Variants in GRIK2 observed in about 807,000 individuals in gnomAD.
GRIK2 encodes the protein glutamate ionotropic receptor kainate type subunit 2.
A neutral mutation model predicts 100.3 loss-of-function variants in GRIK2; 32 were observed. That is an observed-to-expected ratio of 0.32 (90% CI 0.24 to 0.43). GRIK2 has a LOEUF of 0.43. Ranked by LOEUF, GRIK2 falls within the 20% of genes least tolerant of loss-of-function variation. GRIK2 has a pLI of 1.00. For missense variants in GRIK2, 843 were observed against 1,114.9 expected, an observed-to-expected ratio of 0.76 and a Z score of 3.47; for synonymous variants, 417 against 389.4, an observed-to-expected ratio of 1.07 and a Z score of -0.83.
intron 15 of GRIK2, among the ~76,000 whole-genome samples, chr6:102,036,270 T>TAA (rs1316318911): frequency 1.3e-5 from 2 of 150,228 alleles, no homozygotes; most frequent in African/African-American, 4.9e-5. Flanking sequence ...CATATATATA[T>TAA]AAAACATTAC....
chr6:101,537,662 G>A (rs1775781323), intron 2 of GRIK2, among the ~76,000 whole-genome samples: 1 of 151,730 alleles, frequency 6.6e-6, no homozygotes, highest in African/African-American at 2.4e-5. Flanking sequence ...GAACTTATGA[G>A]AACTATCAAT....
chr6:101,875,026 A>T (rs1785723356), intron 11 of GRIK2, among the ~76,000 whole-genome samples: 1 of 152,146 alleles, frequency 6.6e-6, no homozygotes, highest in Non-Finnish European at 1.5e-5. Context: ...CTAGATATAC[A>T]ATCATGTCAC....
At chr6:101,473,110 TTCCTTCCTTCCTTCCTTC>T (rs1772036932) in intron 2 of GRIK2, among the ~76,000 whole-genome samples, 1 of 18,962 alleles carries the variant, frequency 5.3e-5, no homozygotes, top group Admixed American at 5.2e-4. Context: ...CCTTCCTTCC[TTCCTTCCTTCCTTCCTTC>T]CTTCCTTCCT....
chr6:101,482,725 T>A (rs1772598125), intron 2 of GRIK2, among the ~76,000 whole-genome samples: 1 of 151,896 alleles, frequency 6.6e-6, no homozygotes, highest in Non-Finnish European at 1.5e-5. Flanking sequence ...AGGCCTGAAT[T>A]GAGGTAGTGG....
intron 2 of GRIK2, among the ~76,000 whole-genome samples, chr6:101,594,098 A>G (rs1187381632): frequency 6.6e-6 from 1 of 151,888 alleles, no homozygotes; most frequent in Non-Finnish European, 1.5e-5. Flanking sequence ...TATTAATTAA[A>G]TGAGTTATTA....
In GRIK2 at chr6:101,566,362, G is replaced by A. The variant is rs1307887050; in HGVS notation, c.116-55587G>A. 4.6e-5 allele frequency among the ~76,000 whole-genome samples: 7 copies of A among 152,064 alleles called. No individual in the cohort carries two copies. In the East Asian group the frequency reaches 1.4e-3, roughly 29 times the overall value. On this transcript the variant is annotated intron_variant, in intron 2 of 16. Coordinates refer to ENST00000369134, the MANE Select transcript of GRIK2 (RefSeq NM_021956.5). Reference sequence around the variant, plus strand: ...GTATTGAAGAAAATACTTTCTGAGGGAATACTATGTGGAAAGATATCACTA... The same window carrying A: ...GTATTGAAGAAAATACTTTCTGAGGAAATACTATGTGGAAAGATATCACTA...
intron 2 of GRIK2, among the ~76,000 whole-genome samples, chr6:101,473,099 TCC>T: frequency 1.2e-4 from 1 of 8,144 alleles, no homozygotes; most frequent in South Asian, 3.1e-3. Context: ...TCCTAGGTTT[TCC>T]TTCCTTCCTT....
At chr6:101,419,488 T>G (rs181213786) in intron 2 of GRIK2, among the ~76,000 whole-genome samples, 9 of 152,302 alleles carry the variant, frequency 5.9e-5, no homozygotes, top group Admixed American at 5.2e-4. Context: ...AACACACAGT[T>G]CTGACATGTG....
intron 7 of GRIK2, among the ~76,000 whole-genome samples, chr6:101,779,292 CTGTT>C (rs1778934220): frequency 1.3e-5 from 2 of 151,980 alleles, no homozygotes. Flanking sequence ...ACTCTTCTGC[CTGTT>C]TGTCTGTTAC....
chr6:101,831,387 C>T (rs1376811696), intron 10 of GRIK2, among the ~76,000 whole-genome samples: 1 of 151,948 alleles, frequency 6.6e-6, no homozygotes, highest in Non-Finnish European at 1.5e-5. Flanking sequence ...TCTTGTTCTT[C>T]CTGGTATTCT....
chr6:101,852,290 C>T (rs1444121369), intron 10 of GRIK2, among the ~76,000 whole-genome samples: 5 of 151,936 alleles, frequency 3.3e-5, no homozygotes, highest in East Asian at 3.9e-4. Context: ...TTATTTTTTT[C>T]CCATTCCACC....
chr6:101,498,854 C>T (rs1328482139), intron 2 of GRIK2, among the ~76,000 whole-genome samples: 1 of 152,158 alleles, frequency 6.6e-6, no homozygotes, highest in Non-Finnish European at 1.5e-5. Flanking sequence ...TTTTGCTGTG[C>T]AGAAGCTCTT....
intron 11 of GRIK2, among the ~76,000 whole-genome samples, chr6:101,869,404 A>G (rs1337152246): frequency 6.6e-6 from 1 of 151,908 alleles, no homozygotes; most frequent in Non-Finnish European, 1.5e-5. Flanking sequence ...TTTTGTGCCA[A>G]AATCATGTGC....
intron 2 of GRIK2, among the ~76,000 whole-genome samples, chr6:101,450,224 G>A (rs1770598910): frequency 6.6e-6 from 1 of 151,526 alleles, no homozygotes; most frequent in African/African-American, 2.4e-5. Flanking sequence ...AAATTTTGTA[G>A]CTCTAGTAAT....
At chr6:101,893,917 C>G (rs556087759) in intron 12 of GRIK2, among the ~76,000 whole-genome samples, 1 of 151,418 alleles carries the variant, frequency 6.6e-6, no homozygotes, top group Admixed American at 6.6e-5. Context: ...ATACTTAAAT[C>G]ATCTTAAATT....
intron 6 of GRIK2, among the ~76,000 whole-genome samples, chr6:101,685,316 A>T (rs1771596566): frequency 6.6e-6 from 1 of 152,148 alleles, no homozygotes; most frequent in Non-Finnish European, 1.5e-5. Context: ...TTTCCACTGA[A>T]TTGTATTCTT....
At chr6:102,032,242 G>A (rs1273232255) in intron 14 of GRIK2, among the ~76,000 whole-genome samples, 1 of 151,174 alleles carries the variant, frequency 6.6e-6, no homozygotes, top group African/African-American at 2.4e-5. Context: ...CTTTCAAAGG[G>A]TTGGGTCCAG....
chr6:101,715,813 T>C (rs2128361793), intron 7 of GRIK2, among the ~76,000 whole-genome samples: 1 of 151,956 alleles, frequency 6.6e-6, no homozygotes, highest in Middle Eastern at 3.4e-3. Context: ...TGGTTCTAAC[T>C]CCAGTTTAGT....
intron 2 of GRIK2, among the ~76,000 whole-genome samples, chr6:101,436,848 G>A (rs993927280): frequency 2.0e-5 from 3 of 150,514 alleles, no homozygotes; most frequent in Admixed American, 1.3e-4. Flanking sequence ...CAACATGCAG[G>A]TTTGTTAAAT....
Sources: gnomAD v4.1 joint callset for allele counts (sites outside exome capture counted in the v4.1 genomes callset) on GRCh38, gnomAD v4.1.1 for gene constraint, MANE v1.5 for transcripts, NCBI Gene and HGNC (gene_info 2026-07-23, HGNC 2026-07-21) for gene names.